Variants in FOXJ3 observed in about 807,000 individuals in gnomAD.
FOXJ3 encodes the protein forkhead box J3.
A neutral mutation model predicts 76.1 loss-of-function variants in FOXJ3; 22 were observed. The ratio of observed to expected loss-of-function variants is 0.29; its 90% CI spans 0.21 to 0.41. The LOEUF (loss-of-function observed/expected upper bound fraction) is 0.41. Among genes scored for constraint, FOXJ3 ranks in the 10% least tolerant of loss-of-function variants. The pLI, the probability that FOXJ3 is intolerant of heterozygous loss-of-function variation, is 1.00. For missense variants in FOXJ3, 613 were observed against 762.1 expected (o/e 0.80, Z 2.30); for synonymous variants, 269 against 261.2 (o/e 1.03, Z -0.29).
At chr1:42,210,259 A>C (rs1256563773) in intron 5 of FOXJ3, among the ~76,000 whole-genome samples, 1 of 152,096 alleles carries the variant, frequency 6.6e-6, no homozygotes, top group Non-Finnish European at 1.5e-5. Context: ...CCACATGTGA[A>C]AAGCCAGAGT....
At chr1:42,318,772 T>C (rs1557722132) in intron 1 of FOXJ3, among the ~76,000 whole-genome samples, 1 of 152,128 alleles carries the variant, frequency 6.6e-6, no homozygotes, top group Non-Finnish European at 1.5e-5. Flanking sequence ...CTAGTACAAG[T>C]GTAAAATAGT....
rs751015057 is a variant in FOXJ3, at chr1:42,191,445, G to A, written c.1209C>T (p.His403=). Residue 403 remains histidine (H), a synonymous_variant, in exon 9 of 13, where the codon CAC becomes CAT. Coordinates refer to ENST00000361346, the MANE Select transcript of FOXJ3 (RefSeq NM_014947.5). ...HPQRSPHPAP[H]PQQHSQLQSP... Reference sequence around the variant, plus strand: ...ACTGGAGCTGGCTGTGTTGCTGTGGGTGTGGTGCTGGGTGTGGGGAACGCT... The same window carrying A: ...ACTGGAGCTGGCTGTGTTGCTGTGGATGTGGTGCTGGGTGTGGGGAACGCT... 3 of 1,613,634 alleles carry A rather than the reference G, an allele frequency of 1.9e-6. No individual in the cohort carries two copies. The African/African-American group carries it at 4.0e-5, about 22-fold the overall frequency.
At chr1:42,325,391 A>G (rs1268775235) in intron 1 of FOXJ3, among the ~76,000 whole-genome samples, 1 of 152,224 alleles carries the variant, frequency 6.6e-6, no homozygotes, top group Admixed American at 6.5e-5. Context: ...GAAAAGAAGA[A>G]AACAGAAGAA....
At chr1:42,251,781 C>T (rs1476698898) in intron 4 of FOXJ3, among the ~76,000 whole-genome samples, 71 of 137,654 alleles carry the variant, frequency 5.2e-4, no homozygotes, top group Middle Eastern at 5.0e-3. Context: ...TGCAGTGGCG[C>T]GATCTCGACT....
chr1:42,197,660 A>C (rs1646677573), intron 7 of FOXJ3, among the ~76,000 whole-genome samples: 1 of 151,208 alleles, frequency 6.6e-6, no homozygotes, highest in Admixed American at 6.6e-5. Context: ...GTTAAACTAT[A>C]TTTTTTTCTT....
Position 42,271,814 on chromosome 1 carries a change from A to G in FOXJ3, c.369+6534T>C, listed in dbSNP as rs1005657977. ...CAGGGACACGCTACCATGCCCGGCT[A>G]ATTTCTTTTTTTATTTTTTACTTTG... On this transcript the variant is annotated intron_variant, in intron 3 of 12. Coordinates refer to ENST00000361346, the MANE Select transcript of FOXJ3 (RefSeq NM_014947.5). Among the ~76,000 whole-genome samples the G allele has an allele frequency of 3.3e-5, 5 of 151,974 alleles. No homozygotes were observed. In the East Asian group the frequency reaches 9.7e-4, roughly 30 times the overall value.
intron 8 of FOXJ3, among the ~76,000 whole-genome samples, chr1:42,193,897 G>A (rs1343510136): frequency 6.6e-6 from 1 of 152,152 alleles, no homozygotes; most frequent in South Asian, 2.1e-4. Flanking sequence ...AAAAGGGGTT[G>A]AGAGAACTAG....
intron 3 of FOXJ3, among the ~76,000 whole-genome samples, chr1:42,270,528 C>A (rs879767123): frequency 1.3e-5 from 2 of 152,118 alleles, no homozygotes; most frequent in Admixed American, 1.3e-4. Flanking sequence ...ACACATAAAA[C>A]CCACAAAGAA....
chr1:42,179,860 G>A (rs1464461930), intron 12 of FOXJ3, 35 bp from the exon 13 acceptor site: 1 of 1,378,778 alleles, frequency 7.3e-7, no homozygotes, highest in Admixed American at 1.7e-5. Context: ...CAGCGACTTG[G>A]GTAGAGAAGA....
chr1:42,196,761 T>C (rs1159061881), intron 7 of FOXJ3, among the ~76,000 whole-genome samples: 2 of 152,236 alleles, frequency 1.3e-5, no homozygotes, highest in African/African-American at 4.8e-5. Context: ...CTTACATTTA[T>C]TGGCACAACG....
intron 4 of FOXJ3, among the ~76,000 whole-genome samples, chr1:42,254,118 A>G (rs1650361959): frequency 6.6e-6 from 1 of 151,940 alleles, no homozygotes; most frequent in East Asian, 1.9e-4. Flanking sequence ...AATTTACAAG[A>G]AAAAAAACAA....
chr1:42,209,692 A>C (rs577530931), intron 5 of FOXJ3, among the ~76,000 whole-genome samples: 4 of 152,284 alleles, frequency 2.6e-5, no homozygotes, highest in African/African-American at 9.6e-5. Context: ...ATATGAGGAG[A>C]AGCAGCATCA....
chr1:42,283,001 TAA>T, intron 2 of FOXJ3, among the ~76,000 whole-genome samples: 1 of 152,216 alleles, frequency 6.6e-6, no homozygotes, highest in Non-Finnish European at 1.5e-5. Flanking sequence ...GTTCAAAAGT[TAA>T]AGAGGTGAGA....
intron 5 of FOXJ3, among the ~76,000 whole-genome samples, chr1:42,215,941 C>G (rs1181669661): frequency 6.6e-6 from 1 of 151,716 alleles, no homozygotes; most frequent in Non-Finnish European, 1.5e-5. Context: ...CACTTGAGGC[C>G]AAGAGTTTGA....
intron 5 of FOXJ3, among the ~76,000 whole-genome samples, chr1:42,224,405 G>A (rs575195605): frequency 0.058 from 945 of 16,206 alleles, 7 homozygotes; most frequent in African/African-American, 0.093. Flanking sequence ...TGTAAATGGA[G>A]GGGACAGGTA....
chr1:42,196,755 C>T (rs967107801), intron 7 of FOXJ3, among the ~76,000 whole-genome samples: 1 of 152,196 alleles, frequency 6.6e-6, no homozygotes, highest in African/African-American at 2.4e-5. Context: ...AACCCTCTTA[C>T]ATTTATTGGC....
chr1:42,266,261 C>G (rs1045570216), intron 3 of FOXJ3, among the ~76,000 whole-genome samples: 8 of 151,790 alleles, frequency 5.3e-5, no homozygotes, highest in Non-Finnish European at 1.5e-5. Flanking sequence ...AATTCAAGAC[C>G]ATCTATTACC....
chr1:42,307,730 C>CA (rs1252071723), intron 2 of FOXJ3, among the ~76,000 whole-genome samples: 1 of 152,176 alleles, frequency 6.6e-6, no homozygotes, highest in Non-Finnish European at 1.5e-5. Context: ...ACTATCACTA[C>CA]AAACTACTTT....
chr1:42,273,465 G>A (rs1652013600), intron 3 of FOXJ3, among the ~76,000 whole-genome samples: 1 of 152,194 alleles, frequency 6.6e-6, no homozygotes, highest in Admixed American at 6.5e-5. Flanking sequence ...CTTGAAGTCA[G>A]GAGTTCGGAA....
Sources: allele counts gnomAD v4.1 joint callset (sites outside exome capture counted in the v4.1 genomes callset), GRCh38; gene constraint gnomAD v4.1.1; transcripts MANE v1.5; gene names NCBI Gene and HGNC (gene_info 2026-07-23, HGNC 2026-07-21).